DDX42: variants seen among roughly 807,000 people sequenced by gnomAD.
DDX42 encodes ATP-dependent RNA helicase DDX42.
In DDX42, 22 loss-of-function variants were observed where a neutral mutation model predicts 101.5. That is an observed-to-expected ratio of 0.22 (90% CI 0.15 to 0.31). The LOEUF (loss-of-function observed/expected upper bound fraction) is 0.31. DDX42 is among the 10% of genes least tolerant of loss of function. The pLI, the probability that DDX42 is intolerant of heterozygous loss-of-function variation, is 1.00. For missense variants in DDX42, 849 were observed against 1,199.9 expected, an observed-to-expected ratio of 0.71 and a Z score of 4.32; for synonymous variants, 402 against 401.2, an observed-to-expected ratio of 1.00 and a Z score of -0.02.
At position 63,816,937 on chromosome 17, in the gene DDX42, C is replaced by A. The variant is rs1003510592; in HGVS notation, c.2083C>A (p.Arg695=). 1.2e-6 allele frequency: 2 copies of A among 1,613,762 alleles called. No homozygotes were observed. The highest frequency in any genetic ancestry group is 1.7e-6 in the Non-Finnish European group (2 of 1,179,876). Residue 695 remains arginine, a synonymous_variant, in exon 17 of 18, where the codon CGA becomes AGA. Transcript: ENST00000389924. Reference sequence around the variant, plus strand: ...GCCTTCCACAGGAGCTATGGGAGATCGACTAACGGCAATGAAAGCAGCTTT... The same window carrying A: ...GCCTTCCACAGGAGCTATGGGAGATAGACTAACGGCAATGAAAGCAGCTTT... ...YKPSTGAMGD[R]LTAMKAAFQS...
intron 1 of DDX42, among the ~76,000 whole-genome samples, chr17:63,780,252 C>T (rs769647247): frequency 6.6e-5 from 10 of 151,120 alleles, no homozygotes; most frequent in African/African-American, 1.5e-4. Flanking sequence ...GCTGAGATTG[C>T]GCCATTGCAC....
intron 1 of DDX42, among the ~76,000 whole-genome samples, chr17:63,783,340 G>A (rs530255118): frequency 4.7e-4 from 71 of 152,242 alleles, no homozygotes; most frequent in African/African-American, 1.6e-3. Context: ...AAATCCACCT[G>A]AACGTAAATG....
chr17:63,792,664 A>AT (rs762239266), intron 3 of DDX42, 102 bp downstream of exon 3: 124,144 of 986,014 alleles, frequency 0.13, 77 homozygotes, highest in Non-Finnish European at 0.13. Context: ...TAGTCTTATT[A>AT]TTTTTTTTTT....
intron 16 of DDX42, chr17:63,816,094 A>G (rs1248391664): frequency 6.6e-6 from 1 of 152,526 alleles, no homozygotes; most frequent in African/African-American, 2.4e-5. Flanking sequence ...AAGTCTAGCC[A>G]TATCTTGTCA....
chr17:63,808,151 C>T (rs1012281641), intron 9 of DDX42, among the ~76,000 whole-genome samples: 5 of 152,112 alleles, frequency 3.3e-5, no homozygotes, highest in Non-Finnish European at 7.4e-5. Flanking sequence ...ATATTTTCCC[C>T]TAAAAACTAC....
At chr17:63,812,297 C>T (rs1567745232) in intron 14 of DDX42, 89 bp downstream of exon 14, 1 of 1,482,216 alleles carries the variant, frequency 6.7e-7, no homozygotes. Context: ...TCTGAGCAGG[C>T]TGATGGAAAG....
intron 7 of DDX42, 40 bp from the exon 8 acceptor site, chr17:63,806,495 T>A: frequency 6.3e-7 from 1 of 1,578,408 alleles, no homozygotes; most frequent in Non-Finnish European, 8.6e-7. Context: ...CTGTTAATGT[T>A]GAAGTACAAG....
At position 63,787,057 on chromosome 17, in the gene DDX42, G is replaced by C. The variant is rs2039556063; in HGVS notation, c.8G>C (p.Trp3Ser). 3.7e-6 allele frequency: 6 copies of C among 1,613,988 alleles called. No individual in the cohort carries two copies. The highest frequency in any genetic ancestry group is 5.1e-6 in the Non-Finnish European group (6 of 1,180,010). Residue 3 changes from tryptophan to serine, a missense_variant, in exon 2 of 18, where the codon TGG becomes TCG. Around this residue, in one of 5 missense-constraint regions of DDX42, gnomAD observed 92 missense variants for 106.7 expected, o/e 0.86. Transcript: ENST00000389924. The part of the protein sequence containing the change: MN[W>S]NKGGPGTKRG... The stretch of plus-strand genomic sequence containing the variant: ...AGGTCAGTCATTGGCACCATGAACT[G>C]GAATAAAGGTGGTCCTGGCACTAAG...
At chr17:63,817,123 C>T (rs2039986306) in intron 17 of DDX42, 157 bp downstream of exon 17, 1 of 600,962 alleles carries the variant, frequency 1.7e-6, no homozygotes, top group Admixed American at 3.2e-5. Flanking sequence ...CTAACAGTAG[C>T]TTAGTTGGAA....
rs932132635 is a variant in DDX42 at position 63,807,866 on chromosome 17, T to G, written c.989T>G (p.Val330Gly). The G allele has an allele frequency of 1.2e-6, 2 of 1,613,850 alleles. No homozygotes were observed. The highest frequency in any genetic ancestry group is 1.7e-6 in the Non-Finnish European group (2 of 1,179,892). ...GAACCAGGTGATGGACCAATTGCAGTGATTGTGTGTCCTACCAGGGAGCTT... is the reference window on the plus strand; with the variant it reads ...GAACCAGGTGATGGACCAATTGCAGGGATTGTGTGTCCTACCAGGGAGCTT... ...ELEPGDGPIA[V>G]IVCPTRELCQ... Residue 330 changes from valine (V) to glycine (G), a missense_variant, in exon 9 of 18, where the codon GTG (valine) becomes GGG (glycine). Val to Gly is a moderately radical substitution (Grantham distance 109). Transcript: ENST00000389924.
intron 14 of DDX42, among the ~76,000 whole-genome samples, chr17:63,812,422 CAAAG>C (rs1245934544): frequency 6.6e-6 from 1 of 152,278 alleles, no homozygotes; most frequent in South Asian, 2.1e-4. Flanking sequence ...TCTCTCTAAT[CAAAG>C]AATCCCTGCA....
chr17:63,786,666 A>G (rs1396189223), intron 1 of DDX42, among the ~76,000 whole-genome samples: 29 of 151,958 alleles, frequency 1.9e-4, no homozygotes. Context: ...CATACAACTC[A>G]GTGGGGCTAT....
chr17:63,816,969 C>A lies in DDX42; in HGVS notation c.2112+3C>A. On this transcript the variant is annotated splice_donor_region_variant and intron_variant, in intron 17 of 17. Coordinates refer to ENST00000389924, the MANE Select transcript of DDX42 (RefSeq NM_203499.3). Reference sequence around the variant, plus strand: ...CGGCAATGAAAGCAGCTTTCCAGGTCTGAAATAAGCATTTCATTAAAAGCA... The same window carrying A: ...CGGCAATGAAAGCAGCTTTCCAGGTATGAAATAAGCATTTCATTAAAAGCA... 1 of 1,612,490 alleles carries A rather than the reference C, an allele frequency of 6.2e-7. No homozygotes were observed. Among genetic ancestry groups the A allele is most frequent in the East Asian group, 2.2e-5 (1 of 44,812 alleles).
chr17:63,805,303 A>G (rs2039825304), intron 7 of DDX42, 128 bp downstream of exon 7: 1 of 1,138,774 alleles, frequency 8.8e-7, no homozygotes, highest in Non-Finnish European at 1.2e-6. Flanking sequence ...TTGCCAGAGT[A>G]ATTATTATAT....
rs138224520 is a variant in DDX42, at chr17:63,789,546, C to CGTTTTTTTTT, written c.221+2276_221+2277insGTTTTTTTTT. Among the ~76,000 whole-genome samples, 28 of 121,850 alleles carry CGTTTTTTTTT rather than the reference C, an allele frequency of 2.3e-4. 9 individuals are homozygous for CGTTTTTTTTT. Among genetic ancestry groups the CGTTTTTTTTT allele is most frequent in the African/African-American group, 5.8e-4 (17 of 29,320 alleles). The allele number at this position is 121,850 out of a possible 152,430, so 79.9% of individuals were successfully genotyped here. A position where few individuals can be genotyped will look rare whatever the true frequency, so the allele number is the denominator to read the frequency against. ...ATTGGAAAAAAAAGCTTCTAAAAGA[C>CGTTTTTTTTT]TTTTTTGTTTTTGTTTTTGTTTTTG... On this transcript the variant is annotated intron_variant, in intron 2 of 17. Transcript: ENST00000389924.
chr17:63,814,599 C>T (rs1259264301), intron 15 of DDX42, among the ~76,000 whole-genome samples: 1 of 152,032 alleles, frequency 6.6e-6, no homozygotes, highest in East Asian at 1.9e-4. Flanking sequence ...AGCCTGCTGC[C>T]CTACCTCTCA....
intron 1 of DDX42, among the ~76,000 whole-genome samples, chr17:63,778,850 A>G (rs1598319815): frequency 6.6e-6 from 1 of 152,312 alleles, no homozygotes; most frequent in Non-Finnish European, 1.5e-5. Context: ...CATGTTGGCC[A>G]GGATGGTCTT....
At chr17:63,785,758 T>G (rs2039541027) in intron 1 of DDX42, among the ~76,000 whole-genome samples, 1 of 152,222 alleles carries the variant, frequency 6.6e-6, no homozygotes, top group East Asian at 1.9e-4. Flanking sequence ...GAATCATAGT[T>G]TCTTCCTGGA....
At chr17:63,798,122 A>G (rs1441326884) in intron 4 of DDX42, 23 bp downstream of exon 4, 1 of 1,610,330 alleles carries the variant, frequency 6.2e-7, no homozygotes, top group Non-Finnish European at 8.5e-7. Context: ...CTTCTCCCTC[A>G]CAAAGGTTAC....
Sources: allele counts gnomAD v4.1 joint callset (sites outside exome capture counted in the v4.1 genomes callset), GRCh38; gene constraint gnomAD v4.1.1; regional missense constraint gnomAD v4.1.1; transcripts MANE v1.5; gene names NCBI Gene and HGNC (gene_info 2026-07-23, HGNC 2026-07-21).